The following METTL25 variants were observed in gnomAD, a reference collection of about 807,000 sequenced individuals.
METTL25 encodes the protein methyltransferase like 25, also known as probable methyltransferase-like protein 25.
A neutral mutation model predicts 71.6 loss-of-function variants in METTL25; 64 were observed. That is an observed-to-expected ratio of 0.89 (90% confidence interval 0.73 to 1.10). METTL25 has a LOEUF of 1.10. Among genes scored for constraint, METTL25 ranks in the 50% least tolerant of loss-of-function variants. The pLI is 0.00. For synonymous variants in METTL25, 287 were observed against 250.3 expected, an observed-to-expected ratio of 1.15 and a Z score of -1.38; for missense variants, 807 against 707.0, an observed-to-expected ratio of 1.14 and a Z score of -1.60.
intron 4 of METTL25, among the ~76,000 whole-genome samples, chr12:82,401,109 A>G (rs1179690504): frequency 6.6e-6 from 1 of 152,106 alleles, no homozygotes; most frequent in Non-Finnish European, 1.5e-5. Flanking sequence ...CTGTGCTTTG[A>G]AAAGGATAGT....
At chr12:82,393,829 A>G (rs1319965193) in intron 3 of METTL25, among the ~76,000 whole-genome samples, 1 of 151,314 alleles carries the variant, frequency 6.6e-6, no homozygotes, top group Non-Finnish European at 1.5e-5. Context: ...TTAAAGGTGT[A>G]TTGTTAGGTT....
Position 82,438,766 on chromosome 12 carries a change from A to T in METTL25, c.1453A>T (p.Lys485Ter). The change falls in exon 8 of 12, where the codon AAA becomes TAA. Residue 485 changes from lysine (K) to a stop codon, truncating the protein, a stop_gained. Coordinates refer to ENST00000248306, the MANE Select transcript of METTL25 (RefSeq NM_032230.3). LOFTEE classifies it high-confidence loss of function. ...TCGTGCTGTTCTTCAGGATATTATT[A>T]AAGATTGTTATGGCATCACCAAATG... ...FYRAVLQDII[K>*]DCYGITKCDR... is the part of the protein sequence containing the mutation. The T allele has an allele frequency of 6.5e-7, 1 of 1,532,572 alleles. No homozygotes were observed. 94.9% of individuals were successfully genotyped at this position (1,532,572 alleles called of 1,614,324 possible). A position where few individuals can be genotyped will look rare whatever the true frequency, so the allele number is the denominator to read the frequency against.
At chr12:82,369,620 G>T (rs4882542) in intron 1 of METTL25, 262,761 of 279,344 alleles carry the variant, frequency 0.94, 124,021 homozygotes, top group East Asian at 1. Flanking sequence ...CAGCAAGATT[G>T]ATTGTGAAGA....
At position 82,395,409 on chromosome 12, in the gene METTL25, T is replaced by C. The variant is rs568511407; in HGVS notation, c.532-3386T>C. Among the ~76,000 whole-genome samples the C allele has an allele frequency of 1.1e-4, 17 of 152,120 alleles. 1 individual carries two copies. The South Asian group carries it at 2.9e-3, about 26-fold the overall frequency. ...AACAGGGAGATCACTGAGAAAGCCA[T>C]TGCAGTTAACCAGGCTCAGGATGGA... On this transcript the variant is annotated intron_variant, in intron 3 of 11. Transcript: ENST00000248306.
At chr12:82,456,382 G>T (rs967575345) in intron 8 of METTL25, among the ~76,000 whole-genome samples, 1 of 151,938 alleles carries the variant, frequency 6.6e-6, no homozygotes, top group African/African-American at 2.4e-5. Flanking sequence ...CATGAGATGT[G>T]CATTGTAATA....
chr12:82,450,364 T>C (rs1891054137), intron 8 of METTL25, among the ~76,000 whole-genome samples: 1 of 152,128 alleles, frequency 6.6e-6, no homozygotes, highest in African/African-American at 2.4e-5. Flanking sequence ...GTTCAATCTT[T>C]CAGCAACTTT....
chr12:82,407,738 T>TG (rs1887218823), intron 5 of METTL25: 2 of 882,338 alleles, frequency 2.3e-6, no homozygotes, highest in Non-Finnish European at 2.7e-6. Context: ...AGAAAACAGT[T>TG]GGAAAGCCAA....
intron 3 of METTL25, among the ~76,000 whole-genome samples, chr12:82,394,070 A>G (rs1402144331): frequency 4.6e-5 from 7 of 151,818 alleles, no homozygotes; most frequent in African/African-American, 1.7e-4. Flanking sequence ...CTTGTTATTG[A>G]TATTTGACAT....
chr12:82,454,984 CT>C (rs1230057813), intron 8 of METTL25, among the ~76,000 whole-genome samples: 1 of 151,894 alleles, frequency 6.6e-6, no homozygotes, highest in African/African-American at 2.4e-5. Context: ...TTGATATCCT[CT>C]TTTAATGAAC....
rs1458265724 is a variant in METTL25 at position 82,478,987 on chromosome 12, G to C, written c.1775G>C (p.Arg592Thr). 6.2e-7 allele frequency: 1 copy of C among 1,612,866 alleles called. No individual in the cohort carries two copies. The highest frequency in any genetic ancestry group is 8.5e-7 in the Non-Finnish European group (1 of 1,179,144). ...TTGTTTGATCCCGTGAAATCTCCCA[G>C]ATGTTATGCTGTTATTGCCCTGAAG... ...VKLFDPVKSPRCYAVIALKKQ... is the reference protein window; with the variant it reads ...VKLFDPVKSPTCYAVIALKKQ... The change falls in exon 12 of 12, where the codon AGA becomes ACA. Residue 592 changes from arginine to threonine, a missense_variant. Coordinates refer to ENST00000248306, the MANE Select transcript of METTL25 (RefSeq NM_032230.3).
intron 1 of METTL25, among the ~76,000 whole-genome samples, chr12:82,383,757 A>T (rs1372594741): frequency 6.6e-6 from 1 of 152,064 alleles, no homozygotes; most frequent in Admixed American, 6.6e-5. Context: ...TTTTATTTTT[A>T]AAATATTATA....
chr12:82,462,251 G>C (rs984444080), intron 9 of METTL25, among the ~76,000 whole-genome samples: 1 of 152,258 alleles, frequency 6.6e-6, no homozygotes. Context: ...ACTCAGTAAT[G>C]ATGTCTATGA....
intron 4 of METTL25, among the ~76,000 whole-genome samples, chr12:82,400,041 A>G (rs2137010092): frequency 6.6e-6 from 1 of 151,950 alleles, no homozygotes; most frequent in African/African-American, 2.4e-5. Context: ...ATGTATAAAT[A>G]GGCTGAGTGC....
intron 5 of METTL25, among the ~76,000 whole-genome samples, chr12:82,414,796 G>A (rs1887835123): frequency 6.6e-6 from 1 of 151,984 alleles, no homozygotes; most frequent in African/African-American, 2.4e-5. Context: ...CTGTAGCTAA[G>A]CAAATAACCT....
At chr12:82,463,378 A>C (rs1439239416) in intron 9 of METTL25, among the ~76,000 whole-genome samples, 1 of 151,838 alleles carries the variant, frequency 6.6e-6, no homozygotes. Flanking sequence ...CTAATGATCT[A>C]CAGTTCTACA....
chr12:82,400,822 GGTGA>G (rs1886559501), intron 4 of METTL25, among the ~76,000 whole-genome samples: 3 of 151,806 alleles, frequency 2.0e-5, no homozygotes, highest in Admixed American at 1.3e-4. Context: ...AGGATAATAT[GGTGA>G]CTACATATTT....
In METTL25 at chr12:82,389,934, T is replaced by G. The variant is rs199539756; in HGVS notation, c.531+12T>G. The G allele has an allele frequency of 1.2e-5, 17 of 1,441,272 alleles. No homozygotes were observed. In the African/African-American group the frequency reaches 2.2e-4, roughly 19 times the overall value. The allele number at this position is 1,441,272 out of a possible 1,614,324, so 89.3% of individuals were successfully genotyped here. A position where few individuals can be genotyped will look rare whatever the true frequency, so the allele number is the denominator to read the frequency against. The stretch of plus-strand genomic sequence containing the variant: ...ATGGAATAAAGCAGGTAAGAGTATT[T>G]CCGTATGTTTTTAGGTGTTAAAATT... On this transcript the variant is annotated intron_variant, in intron 3 of 11. Transcript: ENST00000248306.
At chr12:82,395,746 A>C (rs551968792) in intron 3 of METTL25, among the ~76,000 whole-genome samples, 6 of 151,928 alleles carry the variant, frequency 3.9e-5, no homozygotes, top group Admixed American at 2.6e-4. Context: ...TGGACTAGAG[A>C]CTCCTCTGTC....
chr12:82,448,443 G>A (rs554955328), intron 8 of METTL25, among the ~76,000 whole-genome samples: 1 of 151,790 alleles, frequency 6.6e-6, no homozygotes, highest in African/African-American at 2.4e-5. Context: ...TTTCTAAGGG[G>A]AATAAAATGC....
Sources: gnomAD v4.1 joint callset for allele counts (sites outside exome capture counted in the v4.1 genomes callset) on GRCh38, gnomAD v4.1.1 for gene constraint, MANE v1.5 for transcripts, NCBI Gene and HGNC (gene_info 2026-07-23, HGNC 2026-07-21) for gene names.